Variants in CLCN5 observed in about 807,000 individuals in gnomAD.
CLCN5 encodes the protein Cl-/H+ antiporter 5, also known as H(+)/Cl(-) exchange transporter 5.
Under a neutral mutation model 54.0 loss-of-function variants are expected in CLCN5, and 17 were observed. That is an observed-to-expected ratio of 0.31 (90% confidence interval 0.22 to 0.47). The LOEUF is 0.47. CLCN5 is among the 20% of genes least tolerant of loss of function. The probability of loss-of-function intolerance (pLI) is 1.00; values close to 1 mark genes in which losing one functional copy is unlikely to be tolerated. For missense variants in CLCN5, 448 were observed against 646.7 expected (o/e 0.69, Z 3.33); for synonymous variants, 222 against 233.0 (o/e 0.95, Z 0.43).
intron 4 of CLCN5, among the ~76,000 whole-genome samples, chrX:50,051,686 G>C (rs1192086646): frequency 9.0e-6 from 1 of 111,719 alleles, no homozygotes; most frequent in Non-Finnish European, 1.9e-5. Context: ...TCTTTAATCA[G>C]TATTTTGTAG....
At chrX:50,018,444 T>A (rs1157123862) in intron 3 of CLCN5, among the ~76,000 whole-genome samples, 1 of 112,528 alleles carries the variant, frequency 8.9e-6, no homozygotes, top group African/African-American at 3.2e-5. Flanking sequence ...TCTGTGTATC[T>A]TTTACTTCCC....
At chrX:50,003,090 T>C (rs1208694551) in intron 3 of CLCN5, 1 of 349,063 alleles carries the variant, frequency 2.9e-6, no homozygotes, top group East Asian at 7.7e-5. Context: ...GGCACAGTCA[T>C]AGAAGTCCAA....
chrX:49,945,968 G>C (rs1439733191), intron 3 of CLCN5, among the ~76,000 whole-genome samples: 2 of 108,836 alleles, frequency 1.8e-5, no homozygotes, highest in Non-Finnish European at 3.8e-5. Context: ...TGTTGCCCAG[G>C]CTGGTCTTGA....
intron 3 of CLCN5, among the ~76,000 whole-genome samples, chrX:49,939,163 A>T (rs1170480232): frequency 8.9e-6 from 1 of 111,761 alleles, no homozygotes; most frequent in African/African-American, 3.3e-5. Flanking sequence ...GATGTGGAGA[A>T]ATAGGAACAC....
At position 50,090,096 on chromosome X, in the gene CLCN5, CTG is replaced by C; in HGVS notation, c.1745-16_1745-15del. 1 of 1,207,638 alleles carries C rather than the reference CTG, an allele frequency of 8.3e-7. No homozygotes were observed. Among genetic ancestry groups the C allele is most frequent in the Non-Finnish European group, 1.1e-6 (1 of 892,360 alleles). ...CCTGTATTTTGCCTACCTGAGTAGA[CTG>C]TGTCTATTTCTTTGCAGGTGGGGTG... On this transcript the variant is annotated intron_variant, in intron 12 of 14. Transcript: ENST00000376091.
intron 3 of CLCN5, among the ~76,000 whole-genome samples, chrX:49,991,898 T>A (rs1242338424): frequency 1.8e-5 from 2 of 111,718 alleles, no homozygotes; most frequent in African/African-American, 3.3e-5. Context: ...GTGTATGTTA[T>A]GAAGTGTAAA....
At chrX:50,014,537 G>C (rs1280066693) in intron 3 of CLCN5, 2 of 320,800 alleles carry the variant, frequency 6.2e-6, no homozygotes, top group Non-Finnish European at 1.2e-5. Context: ...TTCTCACACA[G>C]AGCTGTGTAA....
intron 3 of CLCN5, among the ~76,000 whole-genome samples, chrX:49,978,416 A>T (rs782154169): frequency 2.8e-4 from 31 of 112,278 alleles, no homozygotes; most frequent in Non-Finnish European, 5.1e-4. Flanking sequence ...ATATGAGAGG[A>T]TGCATGTAAA....
chrX:49,933,217 ATTCT>A (rs1925752895), intron 3 of CLCN5, among the ~76,000 whole-genome samples: 2 of 111,719 alleles, frequency 1.8e-5, no homozygotes, highest in African/African-American at 3.3e-5. Flanking sequence ...CAAGAAGCGA[ATTCT>A]TTGTCAATTA....
chrX:49,978,299 A>G (rs1175170603), intron 3 of CLCN5, among the ~76,000 whole-genome samples: 1 of 111,673 alleles, frequency 9.0e-6, no homozygotes, highest in South Asian at 3.8e-4. Flanking sequence ...TTCATTTTGC[A>G]CTGGGCCCCA....
At chrX:50,048,242 C>T (rs923153470) in intron 4 of CLCN5, among the ~76,000 whole-genome samples, 5 of 112,451 alleles carry the variant, frequency 4.4e-5, no homozygotes, top group African/African-American at 1.6e-4. Context: ...AATCTAATGC[C>T]GCCACTGATC....
At chrX:50,032,538 A>C (rs1557185989) in intron 3 of CLCN5, among the ~76,000 whole-genome samples, 1 of 108,574 alleles carries the variant, frequency 9.2e-6, no homozygotes, top group African/African-American at 3.5e-5. Context: ...GTGTCTGTTC[A>C]TGTCCTTTGC....
At chrX:50,060,076 G>A (rs1932826110) in intron 4 of CLCN5, among the ~76,000 whole-genome samples, 1 of 107,742 alleles carries the variant, frequency 9.3e-6, no homozygotes, top group Non-Finnish European at 1.9e-5. Context: ...TTAGAGGTTA[G>A]GCACATTACC....
chrX:50,040,124 G>A (rs375731676), intron 3 of CLCN5, among the ~76,000 whole-genome samples: 34 of 112,392 alleles, frequency 3.0e-4, no homozygotes, highest in East Asian at 2.2e-3. Flanking sequence ...ATTAGGCCTG[G>A]TTCCCTAGAA....
chrX:49,944,574 G>A lies in CLCN5; in HGVS notation c.16+19260G>A, dbSNP rs189342190. 3.5e-3 allele frequency among the ~76,000 whole-genome samples: 392 copies of A among 111,687 alleles called. 1 individual carries two copies. The highest frequency in any genetic ancestry group is 5.7e-3 in the Non-Finnish European group (302 of 53,183). On this transcript the variant is annotated intron_variant, in intron 3 of 14. Transcript: ENST00000376091. Reference sequence around the variant, plus strand: ...AATAGCTCTTATTATTTTGAGATACGTCCCATCAATACCGAATTTATTGAG... The same window carrying A: ...AATAGCTCTTATTATTTTGAGATACATCCCATCAATACCGAATTTATTGAG...
In CLCN5 at chrX:50,098,893, A is replaced by G. The variant is rs1557196097; in HGVS notation, c.*6674A>G. The G allele has an allele frequency of 8.9e-6, 1 of 112,034 alleles. No homozygotes were observed. The highest frequency in any genetic ancestry group is 3.3e-5 in the African/African-American group (1 of 30,704). 9.2% of individuals were successfully genotyped at this position (112,034 alleles called of 1,213,427 possible). A position where few individuals can be genotyped will look rare whatever the true frequency, so the allele number is the denominator to read the frequency against. ...TTAGGAGACCTGATTTCTATTCCCT[A>G]TGCTTCTACTAACTAGCCTCGAGAT... is the stretch of plus-strand genomic sequence containing the variant. On this transcript the variant is annotated 3_prime_UTR_variant, in exon 15 of 15. Coordinates refer to ENST00000376091, the MANE Select transcript of CLCN5 (RefSeq NM_001127898.4).
chrX:50,039,475 A>G (rs1405508902), intron 3 of CLCN5, among the ~76,000 whole-genome samples: 3 of 111,756 alleles, frequency 2.7e-5, no homozygotes, highest in African/African-American at 9.8e-5. Flanking sequence ...TGCTTAGGAG[A>G]TCCAAATGTT....
At chrX:50,073,457 C>T (rs1914093442) in intron 6 of CLCN5, among the ~76,000 whole-genome samples, 1 of 111,747 alleles carries the variant, frequency 8.9e-6, no homozygotes, top group African/African-American at 3.3e-5. Context: ...GTTTCTTAAC[C>T]CCTGGAAGCC....
intron 3 of CLCN5, among the ~76,000 whole-genome samples, chrX:49,962,043 A>G (rs188548147): frequency 2.7e-5 from 3 of 112,295 alleles, no homozygotes; most frequent in African/African-American, 9.7e-5. Context: ...AAAAGCTTCC[A>G]TGTGCCCTTT....
Sources: allele counts gnomAD v4.1 joint callset (sites outside exome capture counted in the v4.1 genomes callset), GRCh38; gene constraint gnomAD v4.1.1; transcripts MANE v1.5; gene names NCBI Gene and HGNC (gene_info 2026-07-23, HGNC 2026-07-21).